Variants in APBA2 observed in about 807,000 individuals in gnomAD.
APBA2 encodes the protein amyloid beta precursor protein binding family A member 2.
Under a neutral mutation model 75.0 loss-of-function variants are expected in APBA2, and 30 were observed. That is an observed-to-expected ratio of 0.40 (90% confidence interval 0.30 to 0.54). The LOEUF is 0.54. Among genes scored for constraint, APBA2 ranks in the 20% least tolerant of loss-of-function variants. The pLI is 0.49. For missense variants in APBA2, 801 were observed against 1,016.1 expected (o/e 0.79, Z 2.88); for synonymous variants, 444 against 409.6 (o/e 1.08, Z -1.01).
intron 4 of APBA2, among the ~76,000 whole-genome samples, chr15:29,065,328 G>T (rs1243065340): frequency 6.6e-6 from 1 of 152,142 alleles, no homozygotes; most frequent in Admixed American, 6.5e-5. Flanking sequence ...AAGAAAGATC[G>T]CATGGCTGAA....
At chr15:29,077,580 A>G (rs776731983) in intron 6 of APBA2, among the ~76,000 whole-genome samples, 4 of 152,206 alleles carry the variant, frequency 2.6e-5, no homozygotes, top group African/African-American at 4.8e-5. Flanking sequence ...AGCTCCTGGC[A>G]TCCCAGAAGA....
At chr15:28,930,258 G>C (rs1595483730) in intron 2 of APBA2, among the ~76,000 whole-genome samples, 1 of 152,256 alleles carries the variant, frequency 6.6e-6, no homozygotes, top group African/African-American at 2.4e-5. Context: ...CCCCTCAGAA[G>C]TCATAAGGAC....
intron 2 of APBA2, among the ~76,000 whole-genome samples, chr15:28,926,462 C>G (rs2034265803): frequency 6.6e-6 from 1 of 152,152 alleles, no homozygotes; most frequent in Non-Finnish European, 1.5e-5. Flanking sequence ...CCTTCCTGTC[C>G]CTTGTGACAT....
Position 29,093,365 on chromosome 15 carries a change from G to A in APBA2, c.1215+145G>A, listed in dbSNP as rs1191710546. The A allele has an allele frequency of 5.7e-6, 7 of 1,229,104 alleles. No homozygotes were observed. The Admixed American group carries it at 1.0e-4, about 18-fold the overall frequency. The allele number at this position is 1,229,104 out of a possible 1,614,324, so 76.1% of individuals were successfully genotyped here. A position where few individuals can be genotyped will look rare whatever the true frequency, so the allele number is the denominator to read the frequency against. ...GGGCAGGAGCGGCCCAGGTGCCAAC[G>A]AGGCTGAGGGAGGCTTGCGCCTTGG... is the stretch of plus-strand genomic sequence containing the variant. On this transcript the variant is annotated intron_variant, in intron 7 of 14. Coordinates refer to ENST00000683413, the MANE Select transcript of APBA2 (RefSeq NM_001353788.2).
At chr15:29,095,860 T>C (rs1020089770) in intron 8 of APBA2, among the ~76,000 whole-genome samples, 4 of 152,228 alleles carry the variant, frequency 2.6e-5, no homozygotes, top group African/African-American at 9.6e-5. Flanking sequence ...CATTGCAGAC[T>C]TGCAGTTGGG....
At chr15:28,971,050 C>G (rs1294394555) in intron 2 of APBA2, among the ~76,000 whole-genome samples, 3 of 152,130 alleles carry the variant, frequency 2.0e-5, no homozygotes, top group Admixed American at 2.0e-4. Flanking sequence ...ATCCGCACGC[C>G]CATTTCACTC....
chr15:29,078,625 CAA>C (rs1048141355), intron 6 of APBA2, among the ~76,000 whole-genome samples: 2 of 147,574 alleles, frequency 1.4e-5, no homozygotes, highest in African/African-American at 5.0e-5. Context: ...AAAAAAAAAA[CAA>C]AACAAAAAAC....
At chr15:29,093,032 G>A (rs1413023688) in intron 6 of APBA2, 43 bp from the exon 7 acceptor site, 5 of 1,613,182 alleles carry the variant, frequency 3.1e-6, no homozygotes, top group African/African-American at 2.7e-5. Flanking sequence ...TTGTTCAGGG[G>A]ACTTCTCCTC....
chr15:29,084,435 T>C (rs1196136795), intron 6 of APBA2, among the ~76,000 whole-genome samples: 1 of 152,154 alleles, frequency 6.6e-6, no homozygotes, highest in African/African-American at 2.4e-5. Context: ...CATTCATGGC[T>C]AGTGGTATTT....
chr15:28,996,594 A>C (rs1336705565), intron 3 of APBA2, among the ~76,000 whole-genome samples: 1 of 152,144 alleles, frequency 6.6e-6, no homozygotes, highest in Admixed American at 6.5e-5. Flanking sequence ...GCGGCTTTGT[A>C]GGGAAACTGG....
chr15:29,052,466 A>AAAAAAAAAAAAAG (rs2041647236), intron 3 of APBA2, among the ~76,000 whole-genome samples: 1 of 151,344 alleles, frequency 6.6e-6, no homozygotes, highest in Admixed American at 6.6e-5. Flanking sequence ...AAAAAAAAAA[A>AAAAAAAAAAAAAG]AAGAAGTAGA....
intron 2 of APBA2, among the ~76,000 whole-genome samples, chr15:28,937,409 T>G (rs1475647496): frequency 6.6e-6 from 1 of 152,142 alleles, no homozygotes; most frequent in Non-Finnish European, 1.5e-5. Flanking sequence ...ATTCCCACAT[T>G]GCAGAGTGCG....
intron 2 of APBA2, among the ~76,000 whole-genome samples, chr15:28,925,599 C>A (rs2034216839): frequency 6.6e-6 from 1 of 152,122 alleles, no homozygotes; most frequent in Non-Finnish European, 1.5e-5. Context: ...AGAATGTGGT[C>A]TATCTTTGTG....
intron 4 of APBA2, 135 bp from the exon 5 acceptor site, chr15:29,074,786 C>A: frequency 1.4e-6 from 1 of 724,722 alleles, no homozygotes. Context: ...ATTAAATAGA[C>A]GTCTGCACAC....
In APBA2 at chr15:29,054,610, C is replaced by T; in HGVS notation, c.726C>T (p.Ile242=). ...EIKMSLSMTS[I]TSASEASPEH... ...AGATGAGTCTGAGCATGACCAGCAT[C>T]ACCAGCGCCAGTGAGGCCAGCCCCG... Residue 242 remains isoleucine, a synonymous_variant, in exon 4 of 15, where the codon ATC becomes ATT. Transcript: ENST00000683413. This position sits in a 1 kb window ranked among gnomAD's most constrained non-coding sequence, Gnocchi z 6.1. 6.2e-7 allele frequency: 1 copy of T among 1,614,160 alleles called. No individual in the cohort carries two copies. Among genetic ancestry groups the T allele is most frequent in the Admixed American group, 1.7e-5 (1 of 60,026 alleles).
intron 1 of APBA2, among the ~76,000 whole-genome samples, chr15:28,895,935 G>T (rs958707687): frequency 4.6e-5 from 7 of 152,076 alleles, no homozygotes; most frequent in Non-Finnish European, 1.0e-4. Context: ...AACGTAAGGA[G>T]ACCCCATCTC....
At chr15:28,928,863 G>T (rs1050683875) in intron 2 of APBA2, among the ~76,000 whole-genome samples, 2 of 152,164 alleles carry the variant, frequency 1.3e-5, no homozygotes, top group Non-Finnish European at 2.9e-5. Context: ...GAGTTTCTCA[G>T]TCATGGGAGT....
rs751010898 is a variant in APBA2 at position 29,106,823 on chromosome 15, G to C, written c.1917+4G>C. On this transcript the variant is annotated splice_donor_region_variant and intron_variant, in intron 12 of 14. Coordinates refer to ENST00000683413, the MANE Select transcript of APBA2 (RefSeq NM_001353788.2). Reference sequence around the variant, plus strand: ...CACCTGCCAAGGCATCATCAAGGTAGGCACCCTGGGATCCTCCGCCCAGGG... The same window carrying C: ...CACCTGCCAAGGCATCATCAAGGTACGCACCCTGGGATCCTCCGCCCAGGG... 3 of 1,612,286 alleles carry C rather than the reference G, an allele frequency of 1.9e-6. No individual in the cohort carries two copies. In the South Asian group the frequency reaches 3.3e-5, roughly 18 times the overall value.
chr15:29,009,666 T>C (rs559937944), intron 3 of APBA2, among the ~76,000 whole-genome samples: 4 of 152,338 alleles, frequency 2.6e-5, no homozygotes, highest in East Asian at 1.9e-4. Context: ...TTTAAATAAA[T>C]GAATTTCTAC....
Sources: gnomAD v4.1 joint callset for allele counts (sites outside exome capture counted in the v4.1 genomes callset) on GRCh38, gnomAD v4.1.1 for gene constraint, Gnocchi (gnomAD v3.1) non-coding constraint, MANE v1.5 for transcripts, NCBI Gene and HGNC (gene_info 2026-07-23, HGNC 2026-07-21) for gene names.